Variants in PHACTR2 observed in about 807,000 individuals in gnomAD.
PHACTR2 encodes phosphatase and actin regulator 2.
PHACTR2 carries 30 observed loss-of-function variants against 76.0 expected under a neutral mutation model. The observed-to-expected ratio is 0.39, with a 90% CI of 0.30 to 0.54. The LOEUF is 0.54. Among genes scored for constraint, PHACTR2 ranks in the 20% least tolerant of loss-of-function variants. The pLI, the probability that PHACTR2 is intolerant of heterozygous loss-of-function variation, is 0.61. For synonymous variants in PHACTR2, 292 were observed against 292.5 expected (o/e 1.00, Z 0.02); for missense variants, 696 against 781.1 (o/e 0.89, Z 1.30).
chr6:143,645,427 T>C (rs1422100394), intron 1 of PHACTR2, among the ~76,000 whole-genome samples: 1 of 152,122 alleles, frequency 6.6e-6, no homozygotes, highest in East Asian at 1.9e-4. Context: ...AGGAATGAAA[T>C]GAAACATCAT....
intron 9 of PHACTR2, among the ~76,000 whole-genome samples, chr6:143,779,906 TATATTA>T (rs1775380401): frequency 2.5e-5 from 2 of 78,654 alleles, no homozygotes; most frequent in African/African-American, 3.4e-5. Context: ...GTATTTATAT[TATATTA>T]TATTATATTA....
In PHACTR2 at chr6:143,659,134, G is replaced by A. The variant is rs948942116; in HGVS notation, c.13+50812G>A. On this transcript the variant is annotated intron_variant, in intron 1 of 11. Transcript: ENST00000305766. The surrounding 1 kb of genome is among the most constrained non-coding windows in gnomAD (Gnocchi z 5.0). Reference sequence around the variant, plus strand: ...GTAAGTCTGTGAGTGAGTGATGGGTGAATGTGAAAGCCTTGGATATTATTC... The same window carrying A: ...GTAAGTCTGTGAGTGAGTGATGGGTAAATGTGAAAGCCTTGGATATTATTC... 1.3e-5 allele frequency among the ~76,000 whole-genome samples: 2 copies of A among 152,024 alleles called. No homozygotes were observed. The highest frequency in any genetic ancestry group is 2.4e-5 in the African/African-American group (1 of 41,378).
chr6:143,703,522 G>A (rs570617070), intron 1 of PHACTR2, among the ~76,000 whole-genome samples: 1 of 152,192 alleles, frequency 6.6e-6, no homozygotes. Flanking sequence ...GCAGGGTTAC[G>A]AGCAATCTTC....
Position 143,652,579 on chromosome 6 carries a change from T to C in PHACTR2, c.13+44257T>C, listed in dbSNP as rs1776782770. ...ACACTTAAGTGTTTTTGTTTTCCAC[T>C]ATGCTAGGTCAGTTTTCAGATCTTA... On this transcript the variant is annotated intron_variant, in intron 1 of 11. Coordinates refer to the PHACTR2 transcript ENST00000305766. This position sits in a 1 kb window ranked among gnomAD's most constrained non-coding sequence, Gnocchi z 4.5. 6.6e-6 allele frequency among the ~76,000 whole-genome samples: 1 copy of C among 152,240 alleles called. No individual in the cohort carries two copies. Among genetic ancestry groups the C allele is most frequent in the Non-Finnish European group, 1.5e-5 (1 of 68,038 alleles).
chr6:143,600,113 C>T (rs904246656), intron 1 of PHACTR2, among the ~76,000 whole-genome samples: 3 of 152,314 alleles, frequency 2.0e-5, no homozygotes, highest in South Asian at 2.1e-4. Context: ...GCCGTCCGGC[C>T]GGCATGAGCC....
intron 2 of PHACTR2, among the ~76,000 whole-genome samples, chr6:143,747,439 G>A (rs1779091396): frequency 2.0e-5 from 3 of 152,326 alleles, no homozygotes; most frequent in Admixed American, 2.0e-4. Flanking sequence ...CCTTGCTTGA[G>A]GCCCTGGAGC....
chr6:143,758,537 T>G (rs921652806), intron 4 of PHACTR2, among the ~76,000 whole-genome samples: 1 of 152,232 alleles, frequency 6.6e-6, no homozygotes, highest in Non-Finnish European at 1.5e-5. Context: ...CCTAACTGAC[T>G]TTTGTGATTT....
In PHACTR2 at chr6:143,811,802, G is replaced by C. The variant is rs112930315; in HGVS notation, c.1922+4669G>C. ...TCAGTAATTCTTTTAAGGGGAAAAA[G>C]TTCTGGTAATCACTACTCTTTCTAA... On this transcript the variant is annotated intron_variant, in intron 12 of 12. Transcript: ENST00000440869. This position sits in a 1 kb window ranked among gnomAD's most constrained non-coding sequence, Gnocchi z 4.1. Among the ~76,000 whole-genome samples, 1,867 of 152,180 alleles carry C rather than the reference G, an allele frequency of 0.012. 38 individuals carry two copies. The highest frequency in any genetic ancestry group is 0.043 in the African/African-American group (1,804 of 41,534).
chr6:143,615,336 G>C (rs140541467), intron 1 of PHACTR2, among the ~76,000 whole-genome samples: 168 of 152,278 alleles, frequency 1.1e-3, no homozygotes, highest in Non-Finnish European at 1.2e-3. Context: ...CACCGTGCTT[G>C]GGCTGTAGTA....
chr6:143,640,855 T>C (rs1033081994), intron 1 of PHACTR2, among the ~76,000 whole-genome samples: 1 of 152,186 alleles, frequency 6.6e-6, no homozygotes. Context: ...GATCTTAAGA[T>C]GAGATACTCC....
In PHACTR2 at chr6:143,678,903, A is replaced by G. The variant is rs977454093; in HGVS notation, c.46+694A>G. ...CCATTTTCTTAAACAAAAAGAGGGA[A>G]GGAAGGTACGTCTGGCATTTCCCCG... On this transcript the variant is annotated intron_variant, in intron 1 of 12. Transcript: ENST00000440869. This position sits in a 1 kb window ranked among gnomAD's most constrained non-coding sequence, Gnocchi z 6.2. Among the ~76,000 whole-genome samples the G allele has an allele frequency of 1.3e-5, 2 of 152,034 alleles. No homozygotes were observed. Among genetic ancestry groups the G allele is most frequent in the African/African-American group, 4.8e-5 (2 of 41,350 alleles).
At chr6:143,643,145 A>G (rs1776596664) in intron 1 of PHACTR2, among the ~76,000 whole-genome samples, 1 of 152,208 alleles carries the variant, frequency 6.6e-6, no homozygotes. Context: ...TTTTACAGAG[A>G]CATCATTGGT....
chr6:143,603,524 A>T (rs1775836697), upstream of PHACTR2, among the ~76,000 whole-genome samples: 4 of 152,232 alleles, frequency 2.6e-5, no homozygotes, highest in East Asian at 7.7e-4. Flanking sequence ...ACATCAGAAG[A>T]GAAACCTCAA....
At chr6:143,559,201 G>C (rs575793427) in intron 1 of PHACTR2, among the ~76,000 whole-genome samples, 16 of 152,240 alleles carry the variant, frequency 1.1e-4, no homozygotes, top group Non-Finnish European at 1.9e-4. Flanking sequence ...GCTCCTTTGG[G>C]GTAGCTTTGG....
chr6:143,555,315 G>T (rs1775158565), intron 1 of PHACTR2: 1 of 152,084 alleles, frequency 6.6e-6, no homozygotes. Flanking sequence ...TTTTCTTGGG[G>T]GTAAGTTAAA....
chr6:143,626,622 G>A (rs78717163), intron 1 of PHACTR2, among the ~76,000 whole-genome samples: 13,206 of 151,834 alleles, frequency 0.087, 622 homozygotes, highest in East Asian at 0.18. Context: ...TATTAAGGTG[G>A]CAGCTTGATT....
intron 10 of PHACTR2, among the ~76,000 whole-genome samples, chr6:143,788,190 A>T (rs1352853522): frequency 6.6e-6 from 1 of 152,148 alleles, no homozygotes; most frequent in African/African-American, 2.4e-5. Flanking sequence ...TCCCCTCCCC[A>T]TTCGTGTACA....
chr6:143,818,073 C>G lies in PHACTR2; in HGVS notation c.1923-5601C>G, dbSNP rs186566217. ...TTGATCATTACACATTTTATGCCAT[C>G]AAAATATCACTCTGTACCCCATAAA... On this transcript the variant is annotated intron_variant, in intron 12 of 12. Coordinates refer to ENST00000440869, the MANE Select transcript of PHACTR2 (RefSeq NM_001100164.2). The surrounding 1 kb of genome is among the most constrained non-coding windows in gnomAD (Gnocchi z 4.9). 1.3e-3 allele frequency among the ~76,000 whole-genome samples: 193 copies of G among 152,140 alleles called. No homozygotes were observed. The highest frequency in any genetic ancestry group is 2.5e-3 in the Non-Finnish European group (167 of 67,992).
At chr6:143,626,453 C>T (rs912149958) in intron 1 of PHACTR2, among the ~76,000 whole-genome samples, 1 of 149,970 alleles carries the variant, frequency 6.7e-6, no homozygotes, top group Non-Finnish European at 1.5e-5. Flanking sequence ...AGGAGAATGG[C>T]GTGAACCCGG....
Sources: gnomAD v4.1 joint callset for allele counts (sites outside exome capture counted in the v4.1 genomes callset) on GRCh38, gnomAD v4.1.1 for gene constraint, Gnocchi (gnomAD v3.1) non-coding constraint, MANE v1.5 for transcripts, NCBI Gene and HGNC (gene_info 2026-07-23, HGNC 2026-07-21) for gene names.